EVI5: variants seen among roughly 807,000 people sequenced by gnomAD.
EVI5 encodes ecotropic viral integration site 5, also known as ecotropic viral integration site 5 protein homolog.
In EVI5, 73 loss-of-function variants were observed where a neutral mutation model predicts 112.0. That is an observed-to-expected ratio of 0.65 (90% CI 0.54 to 0.79). EVI5 has a LOEUF of 0.79. Among genes scored for constraint, EVI5 ranks in the 30% least tolerant of loss-of-function variants. The probability of loss-of-function intolerance (pLI) is 0.00; values close to 1 mark genes in which losing one functional copy is unlikely to be tolerated. For missense variants in EVI5, 900 were observed against 968.8 expected, an observed-to-expected ratio of 0.93 and a Z score of 0.94; for synonymous variants, 305 against 319.9, an observed-to-expected ratio of 0.95 and a Z score of 0.50.
At chr1:92,670,148 T>C (rs1232185577) in intron 10 of EVI5, among the ~76,000 whole-genome samples, 1 of 152,212 alleles carries the variant, frequency 6.6e-6, no homozygotes, top group Non-Finnish European at 1.5e-5. Context: ...TTAATTCTAC[T>C]TTTTATAACT....
rs1399022790 is a variant in EVI5 at position 92,735,630 on chromosome 1, G to T, written c.149+768C>A. The stretch of plus-strand genomic sequence containing the variant: ...TATTATATATAATTATATGATATAT[G>T]ATATATGTCATATATATATATAATT... On this transcript the variant is annotated intron_variant, in intron 2 of 19. Coordinates refer to ENST00000684568, the MANE Select transcript of EVI5 (RefSeq NM_001350197.2). 1.3e-4 allele frequency among the ~76,000 whole-genome samples: 9 copies of T among 67,030 alleles called. No individual in the cohort carries two copies. The South Asian group carries it at 2.3e-3, about 17-fold the overall frequency. The allele number at this position is 67,030 out of a possible 152,430, so 44.0% of individuals were successfully genotyped here. A position where few individuals can be genotyped will look rare whatever the true frequency, so the allele number is the denominator to read the frequency against.
At chr1:92,790,581 G>A (rs1304011883) in intron 1 of EVI5, among the ~76,000 whole-genome samples, 1 of 151,032 alleles carries the variant, frequency 6.6e-6, no homozygotes, top group Non-Finnish European at 1.5e-5. Flanking sequence ...TCATTACTAG[G>A]CTCATTACTT....
chr1:92,660,403 T>C (rs1433188975), intron 13 of EVI5, among the ~76,000 whole-genome samples: 1 of 151,850 alleles, frequency 6.6e-6, no homozygotes, highest in Non-Finnish European at 1.5e-5. Flanking sequence ...AATACAATAG[T>C]GGTTACTAGA....
chr1:92,713,983 T>C lies in EVI5; in HGVS notation c.150-9239A>G, dbSNP rs530273225. 1.6e-4 allele frequency: 150 copies of C among 963,306 alleles called. 1 individual carries two copies. The South Asian group carries it at 6.5e-3, about 42-fold the overall frequency. The allele number at this position is 963,306 out of a possible 1,614,324, so 59.7% of individuals were successfully genotyped here. A position where few individuals can be genotyped will look rare whatever the true frequency, so the allele number is the denominator to read the frequency against. On this transcript the variant is annotated intron_variant, in intron 2 of 19. Coordinates refer to ENST00000684568, the MANE Select transcript of EVI5 (RefSeq NM_001350197.2). ...CCTTAATTAAAATGCAATCCTATTA[T>C]ACTTGAGACTTACCTCCATAAATTC...
At chr1:92,681,481 AG>A (rs1473253968) in intron 9 of EVI5, among the ~76,000 whole-genome samples, 3 of 152,334 alleles carry the variant, frequency 2.0e-5, no homozygotes, top group East Asian at 3.8e-4. Context: ...ATCAAAAAAA[AG>A]TCAAAGGCTA....
intron 1 of EVI5, among the ~76,000 whole-genome samples, chr1:92,771,670 G>A (rs191112500): frequency 5.4e-5 from 8 of 147,394 alleles, no homozygotes; most frequent in Admixed American, 4.1e-4. Context: ...GCAGTGGCAC[G>A]ATCTCGGCTC....
At chr1:92,518,713 C>T (rs1464597149) in intron 19 of EVI5, among the ~76,000 whole-genome samples, 1 of 151,186 alleles carries the variant, frequency 6.6e-6, no homozygotes, top group African/African-American at 2.4e-5. Flanking sequence ...TCATGAGCTT[C>T]GAGACTGAAA....
chr1:92,617,227 A>G (rs1653398804), intron 16 of EVI5, among the ~76,000 whole-genome samples: 1 of 152,258 alleles, frequency 6.6e-6, no homozygotes, highest in Non-Finnish European at 1.5e-5. Context: ...CGAGCAGAGC[A>G]CTTGGTTGTG....
chr1:92,553,721 A>C lies in EVI5; in HGVS notation c.2166+9921T>G, dbSNP rs554544250. Reference sequence around the variant, plus strand: ...AGTGGTGGAATCACAGGTGTGAGCCACCACGCCCTGCCCCTGTATGTGATT... The same window carrying C: ...AGTGGTGGAATCACAGGTGTGAGCCCCCACGCCCTGCCCCTGTATGTGATT... On this transcript the variant is annotated intron_variant, in intron 19 of 19. Transcript: ENST00000684568. 3.9e-5 allele frequency among the ~76,000 whole-genome samples: 6 copies of C among 152,342 alleles called. No homozygotes were observed. The South Asian group carries it at 1.0e-3, about 26-fold the overall frequency.
intron 1 of EVI5, among the ~76,000 whole-genome samples, chr1:92,791,395 A>G (rs983913774): frequency 1.3e-5 from 2 of 152,220 alleles, no homozygotes; most frequent in African/African-American, 4.8e-5. Flanking sequence ...AGATAATAAT[A>G]TCTACTTAAG....
In EVI5 at chr1:92,605,347, A is replaced by G; in HGVS notation, c.2030T>C (p.Val677Ala). The change falls in exon 18 of 20, where the codon GTG becomes GCG. Residue 677 changes from valine (V) to alanine (A), a missense_variant. Val to Ala is a moderately conservative substitution (Grantham distance 64). Coordinates refer to ENST00000684568, the MANE Select transcript of EVI5 (RefSeq NM_001350197.2). ...AGCAATGTGTTGTCGTAGTTCAGCC[A>G]CAGCAGCTATGCTATCTGCTTCCCG... ...RLREADSIAAVAELRQHIAEL... is the reference protein window; with the variant it reads ...RLREADSIAAAAELRQHIAEL... 6.2e-7 allele frequency: 1 copy of G among 1,613,806 alleles called. No homozygotes were observed. The highest frequency in any genetic ancestry group is 8.5e-7 in the Non-Finnish European group (1 of 1,179,706).
chr1:92,514,466 T>A (rs866698835), intron 19 of EVI5, among the ~76,000 whole-genome samples: 1 of 152,064 alleles, frequency 6.6e-6, no homozygotes, highest in African/African-American at 2.4e-5. Flanking sequence ...TGTAACTTAC[T>A]TTAATTGAAT....
chr1:92,653,870 G>T (rs1053793657), intron 13 of EVI5, among the ~76,000 whole-genome samples: 1 of 152,200 alleles, frequency 6.6e-6, no homozygotes, highest in Non-Finnish European at 1.5e-5. Context: ...GATAGACAGT[G>T]GTGTCTGACC....
intron 19 of EVI5, among the ~76,000 whole-genome samples, chr1:92,561,344 CCTTT>C (rs1553182286): frequency 6.6e-6 from 1 of 151,518 alleles, no homozygotes; most frequent in Non-Finnish European, 1.5e-5. Flanking sequence ...GGTTTTTTTT[CCTTT>C]CTTTTCAAAA....
In EVI5 at chr1:92,730,882, A is replaced by G. The variant is rs149420521; in HGVS notation, c.149+5516T>C. Among the ~76,000 whole-genome samples, 310 of 152,320 alleles carry G rather than the reference A, an allele frequency of 2.0e-3. 5 individuals carry two copies. The highest frequency in any genetic ancestry group is 7.2e-3 in the African/African-American group (299 of 41,578). The stretch of plus-strand genomic sequence containing the variant: ...AAGAAAATAAATAAAAGGCATCCAG[A>G]TTGGAAAGAAGCAAAAGTGCTCTTA... On this transcript the variant is annotated intron_variant, in intron 2 of 19. Transcript: ENST00000684568.
intron 1 of EVI5, among the ~76,000 whole-genome samples, chr1:92,768,571 G>C (rs1682972017): frequency 6.6e-6 from 1 of 152,104 alleles, no homozygotes; most frequent in South Asian, 2.1e-4. Flanking sequence ...CTGCTCCTCT[G>C]CCATATTTAA....
upstream of EVI5, among the ~76,000 whole-genome samples, chr1:92,788,723 G>T (rs1345784730): frequency 8.5e-5 from 13 of 152,088 alleles, no homozygotes; most frequent in Admixed American, 8.5e-4. Flanking sequence ...GAACCCAAGA[G>T]GTGGAGCTTG....
chr1:92,511,866 G>C lies in EVI5; in HGVS notation c.*1790C>G, dbSNP rs1245937135. ...AACGTACCTGAAGGCTTAACTCCTAGTTTTTGACAGAAAACTACTTTTATC... is the reference window on the plus strand; with the variant it reads ...AACGTACCTGAAGGCTTAACTCCTACTTTTTGACAGAAAACTACTTTTATC... On this transcript the variant is annotated 3_prime_UTR_variant, in exon 20 of 20. Coordinates refer to ENST00000684568, the MANE Select transcript of EVI5 (RefSeq NM_001350197.2). 1 of 151,734 alleles carries C rather than the reference G, an allele frequency of 6.6e-6. No homozygotes were observed. The highest frequency in any genetic ancestry group is 2.1e-4 in the South Asian group (1 of 4,828). 9.4% of individuals were successfully genotyped at this position (151,734 alleles called of 1,614,324 possible). A position where few individuals can be genotyped will look rare whatever the true frequency, so the allele number is the denominator to read the frequency against.
intron 13 of EVI5, among the ~76,000 whole-genome samples, chr1:92,657,532 G>A (rs376237926): frequency 8.5e-5 from 13 of 152,140 alleles, no homozygotes; most frequent in Middle Eastern, 3.4e-3. Context: ...GTATGGTGGT[G>A]TGTGCTTGTA....
Sources: allele counts gnomAD v4.1 joint callset (sites outside exome capture counted in the v4.1 genomes callset), GRCh38; gene constraint gnomAD v4.1.1; transcripts MANE v1.5; gene names NCBI Gene and HGNC (gene_info 2026-07-23, HGNC 2026-07-21).